Variants in SNX29 observed in about 807,000 individuals in gnomAD.
The protein encoded by SNX29 is sorting nexin 29, also known as sorting nexin-29.
In SNX29, 78 loss-of-function variants were observed where a neutral mutation model predicts 102.1. The observed-to-expected ratio is 0.76, with a 90% confidence interval of 0.64 to 0.92. SNX29 has a LOEUF of 0.92. Ranked by LOEUF, SNX29 falls within the 40% of genes least tolerant of loss-of-function variation. SNX29 has a pLI of 0.00. For missense variants in SNX29, 1,280 were observed against 1,061.7 expected (o/e 1.21, Z -2.86); for synonymous variants, 580 against 414.5 (o/e 1.40, Z -4.85).
At chr16:12,118,351 TGC>T in intron 11 of SNX29, among the ~76,000 whole-genome samples, 1 of 129,970 alleles carries the variant, frequency 7.7e-6, no homozygotes, top group African/African-American at 3.0e-5. Context: ...GATGGAGTCT[TGC>T]TCTGTCACCC....
intron 14 of SNX29, among the ~76,000 whole-genome samples, chr16:12,207,486 C>T (rs1404121872): frequency 6.6e-6 from 1 of 152,224 alleles, no homozygotes; most frequent in Non-Finnish European, 1.5e-5. Flanking sequence ...CGCAAGAATC[C>T]GCTGTGGGTG....
intron 15 of SNX29, among the ~76,000 whole-genome samples, chr16:12,300,111 A>G (rs2151094494): frequency 6.6e-6 from 1 of 152,316 alleles, no homozygotes; most frequent in African/African-American, 2.4e-5. Flanking sequence ...ACTTCAGGTG[A>G]TCTGCCTGCC....
intron 13 of SNX29, among the ~76,000 whole-genome samples, chr16:12,193,065 G>T (rs1266775160): frequency 1.3e-5 from 2 of 152,072 alleles, no homozygotes; most frequent in Non-Finnish European, 2.9e-5. Flanking sequence ...AAACTTCTAG[G>T]CTCAGGTGAT....
At chr16:12,557,013 TTAC>T (rs796236467) in intron 20 of SNX29, among the ~76,000 whole-genome samples, 994 of 13,202 alleles carry the variant, frequency 0.075, 21 homozygotes, top group African/African-American at 0.17. Context: ...TCTGGCTAAT[TTAC>T]CCCCCCCCCG....
chr16:12,278,092 T>C (rs1372021954), intron 15 of SNX29, 56 bp downstream of exon 15: 3 of 1,479,936 alleles, frequency 2.0e-6, no homozygotes, highest in Non-Finnish European at 2.8e-6. Flanking sequence ...CGTTGGAGAC[T>C]TTCCAGGGTA....
Position 12,072,502 on chromosome 16 carries a change from A to G in SNX29, c.1319+3370A>G, listed in dbSNP as rs926126798. On this transcript the variant is annotated intron_variant, in intron 10 of 20. Transcript: ENST00000566228. Reference sequence around the variant, plus strand: ...TTTGTGTATGTTGAACCAGCCTTTCATCCCAGGGATGAAGCCCACTCGATC... The same window carrying G: ...TTTGTGTATGTTGAACCAGCCTTTCGTCCCAGGGATGAAGCCCACTCGATC... Among the ~76,000 whole-genome samples, 10 of 152,310 alleles carry G rather than the reference A, an allele frequency of 6.6e-5. 1 individual carries two copies. The highest frequency in any genetic ancestry group is 5.9e-4 in the Admixed American group (9 of 15,294).
intron 20 of SNX29, among the ~76,000 whole-genome samples, chr16:12,548,578 G>A (rs944970555): frequency 6.6e-6 from 1 of 152,174 alleles, no homozygotes; most frequent in Non-Finnish European, 1.5e-5. Context: ...TGGCTTCCCT[G>A]TAAGTCCCAC....
At chr16:12,215,869 C>A (rs1182551628) in intron 14 of SNX29, among the ~76,000 whole-genome samples, 1 of 152,172 alleles carries the variant, frequency 6.6e-6, no homozygotes, top group Non-Finnish European at 1.5e-5. Context: ...TCATTTGCAT[C>A]TGGCTGCCCT....
At chr16:12,354,703 G>A (rs1313196304) in intron 15 of SNX29, among the ~76,000 whole-genome samples, 1 of 152,172 alleles carries the variant, frequency 6.6e-6, no homozygotes, top group African/African-American at 2.4e-5. Context: ...GGGTTTATGT[G>A]ATTTCTGTGT....
chr16:12,380,080 C>A (rs2083016736), intron 16 of SNX29, among the ~76,000 whole-genome samples: 2 of 151,144 alleles, frequency 1.3e-5, no homozygotes, highest in South Asian at 4.2e-4. Flanking sequence ...TGCCAATGCC[C>A]TAATTTCTTA....
intron 15 of SNX29, among the ~76,000 whole-genome samples, chr16:12,325,121 A>C: frequency 6.6e-6 from 1 of 152,174 alleles, no homozygotes; most frequent in East Asian, 1.9e-4. Context: ...CTTCGCTAGC[A>C]ATGTATCCCA....
At chr16:12,128,356 G>T (rs536507292) in intron 12 of SNX29, among the ~76,000 whole-genome samples, 1 of 152,260 alleles carries the variant, frequency 6.6e-6, no homozygotes, top group Non-Finnish European at 1.5e-5. Flanking sequence ...CAGGCCCCAA[G>T]AGGGGAATTT....
intron 17 of SNX29, among the ~76,000 whole-genome samples, 191 bp from the exon 18 acceptor site, chr16:12,403,253 TGTAG>T (rs2084028731): frequency 1.2e-5 from 1 of 84,258 alleles, no homozygotes; most frequent in East Asian, 3.5e-4. Flanking sequence ...TGTGTGTGTG[TGTAG>T]AGAGAGACAG....
intron 19 of SNX29, among the ~76,000 whole-genome samples, chr16:12,524,461 A>AAC (rs1328594787): frequency 6.6e-6 from 1 of 151,698 alleles, no homozygotes; most frequent in African/African-American, 2.4e-5. Flanking sequence ...TTTGAATAGG[A>AAC]ACACACCAGA....
At chr16:12,380,642 TCCACCCACCATCCATCCAC>T (rs2083059935) in intron 16 of SNX29, among the ~76,000 whole-genome samples, 6 of 29,840 alleles carry the variant, frequency 2.0e-4, no homozygotes, top group African/African-American at 2.8e-4. Flanking sequence ...CATCCATCCA[TCCACCCACCATCCATCCAC>T]CCACCCACCA....
At chr16:12,563,235 C>T (rs1211766850) in intron 20 of SNX29, among the ~76,000 whole-genome samples, 1 of 152,030 alleles carries the variant, frequency 6.6e-6, no homozygotes, top group East Asian at 1.9e-4. Flanking sequence ...AAGTGGCCTC[C>T]CCATCATCAC....
chr16:12,152,044 C>T (rs2055323660), intron 13 of SNX29, among the ~76,000 whole-genome samples: 1 of 152,088 alleles, frequency 6.6e-6, no homozygotes, highest in Non-Finnish European at 1.5e-5. Context: ...TGTGGTGAAA[C>T]CGCATCTCTA....
intron 13 of SNX29, among the ~76,000 whole-genome samples, chr16:12,131,409 A>G (rs372766011): frequency 1.2e-4 from 19 of 152,318 alleles, no homozygotes; most frequent in African/African-American, 4.6e-4. Context: ...TTAACTATAC[A>G]TGTAATCTAT....
At chr16:12,567,694 C>T (rs779476294) in intron 20 of SNX29, among the ~76,000 whole-genome samples, 8 of 152,092 alleles carry the variant, frequency 5.3e-5, no homozygotes, top group African/African-American at 1.4e-4. Flanking sequence ...CCCAGGAGAT[C>T]GAGGCTGCAG....
Sources: gnomAD v4.1 joint callset for allele counts (sites outside exome capture counted in the v4.1 genomes callset) on GRCh38, gnomAD v4.1.1 for gene constraint, MANE v1.5 for transcripts, NCBI Gene and HGNC (gene_info 2026-07-23, HGNC 2026-07-21) for gene names.